Variants in KLHL29 observed in about 807,000 individuals in gnomAD.
KLHL29 encodes the protein kelch-like protein 29.
KLHL29 carries 21 observed loss-of-function variants against 80.4 expected under a neutral mutation model. The ratio of observed to expected loss-of-function variants is 0.26; its 90% CI spans 0.19 to 0.38. The LOEUF is 0.38. Among genes scored for constraint, KLHL29 ranks in the 10% least tolerant of loss-of-function variants. KLHL29 has a pLI of 1.00. For synonymous variants in KLHL29, 511 were observed against 526.8 expected (o/e 0.97, Z 0.41); for missense variants, 867 against 1,223.9 (o/e 0.71, Z 4.35).
At chr2:23,698,568 A>ATT (rs1672140357) in intron 11 of KLHL29, among the ~76,000 whole-genome samples, 1 of 151,666 alleles carries the variant, frequency 6.6e-6, no homozygotes. Flanking sequence ...GGTGCATTAT[A>ATT]ATTATATTAC....
chr2:23,452,693 A>G (rs372542690), intron 1 of KLHL29, among the ~76,000 whole-genome samples: 1 of 152,340 alleles, frequency 6.6e-6, no homozygotes, highest in East Asian at 1.9e-4. Flanking sequence ...TATCTCTTAT[A>G]TACTGATATA....
chr2:23,546,162 G>A (rs1349586052), intron 2 of KLHL29, among the ~76,000 whole-genome samples: 1 of 152,226 alleles, frequency 6.6e-6, no homozygotes, highest in East Asian at 1.9e-4. Flanking sequence ...CCACTCCCTT[G>A]CCTGAGGCTG....
intron 5 of KLHL29, among the ~76,000 whole-genome samples, chr2:23,683,658 C>T (rs767797284): frequency 6.6e-6 from 1 of 152,196 alleles, no homozygotes; most frequent in Admixed American, 6.5e-5. Context: ...CCTCCGAGGC[C>T]ACTTCCTGGG....
intron 5 of KLHL29, among the ~76,000 whole-genome samples, chr2:23,683,165 C>T (rs957404928): frequency 6.6e-6 from 1 of 152,212 alleles, no homozygotes; most frequent in Non-Finnish European, 1.5e-5. Context: ...GGCGGGCAGC[C>T]GGCCCTGGCC....
chr2:23,565,186 T>A (rs1667559848), intron 3 of KLHL29, among the ~76,000 whole-genome samples: 1 of 152,202 alleles, frequency 6.6e-6, no homozygotes, highest in African/African-American at 2.4e-5. Flanking sequence ...GTGAGGCCTA[T>A]GGGACAAGGC....
intron 3 of KLHL29, among the ~76,000 whole-genome samples, chr2:23,587,325 G>A (rs149930524): frequency 3.6e-3 from 546 of 151,312 alleles, no homozygotes; most frequent in African/African-American, 0.012. Context: ...CTTTCATAAA[G>A]GAGGTGAGCG....
intron 2 of KLHL29, among the ~76,000 whole-genome samples, chr2:23,508,099 C>T (rs926706734): frequency 2.0e-5 from 3 of 152,212 alleles, no homozygotes; most frequent in Admixed American, 2.0e-4. Flanking sequence ...CCCCTAAGAC[C>T]CCACGCTTAG....
At chr2:23,572,488 G>A (rs553078800) in intron 3 of KLHL29, among the ~76,000 whole-genome samples, 25 of 152,264 alleles carry the variant, frequency 1.6e-4, no homozygotes, top group African/African-American at 4.6e-4. Context: ...ATGAGGCAGC[G>A]AACTCTGTAA....
rs931329772 is a variant in KLHL29 at position 23,684,738 on chromosome 2, G to A, written c.1079+201G>A. Among the ~76,000 whole-genome samples, 5 of 151,602 alleles carry A rather than the reference G, an allele frequency of 3.3e-5. No homozygotes were observed. Among genetic ancestry groups the A allele is most frequent in the Admixed American group, 6.6e-5 (1 of 15,246 alleles). On this transcript the variant is annotated intron_variant, in intron 6 of 13. Coordinates refer to ENST00000486442, the MANE Select transcript of KLHL29 (RefSeq NM_052920.2). The surrounding 1 kb of genome is among the most constrained non-coding windows in gnomAD (Gnocchi z 4.4). ...AGAGCAGCCACTGCGCCCAGCACCC[G>A]CCCCCACCCACAGCTTTGCTGTCAC...
chr2:23,530,561 TGCACAACCC>T (rs1185775211), intron 2 of KLHL29, among the ~76,000 whole-genome samples: 16 of 152,218 alleles, frequency 1.1e-4, no homozygotes, highest in African/African-American at 3.6e-4. Flanking sequence ...TTGTTCACAC[TGCACAACCC>T]GCGCCTCCTG....
chr2:23,575,985 G>C (rs909739756), intron 3 of KLHL29, among the ~76,000 whole-genome samples: 5 of 152,204 alleles, frequency 3.3e-5, no homozygotes, highest in Admixed American at 3.3e-4. Flanking sequence ...GCTATACTGC[G>C]TCACCATCGC....
At chr2:23,543,547 C>T (rs2103484861) in intron 2 of KLHL29, among the ~76,000 whole-genome samples, 1 of 152,312 alleles carries the variant, frequency 6.6e-6, no homozygotes, top group East Asian at 1.9e-4. Context: ...ATCTATGTCC[C>T]TGCCCTCTGA....
intron 3 of KLHL29, among the ~76,000 whole-genome samples, chr2:23,584,306 A>T (rs1668063422): frequency 6.6e-6 from 1 of 152,140 alleles, no homozygotes; most frequent in South Asian, 2.1e-4. Context: ...CTCAAAGGAT[A>T]TTTATTCCTT....
chr2:23,478,266 G>A (rs979490621), intron 2 of KLHL29, among the ~76,000 whole-genome samples: 2 of 152,148 alleles, frequency 1.3e-5, no homozygotes, highest in African/African-American at 2.4e-5. Flanking sequence ...GGGAGTGTCC[G>A]CAACATGCAG....
chr2:23,660,246 C>G (rs1670367605), intron 5 of KLHL29, among the ~76,000 whole-genome samples: 2 of 152,218 alleles, frequency 1.3e-5, no homozygotes, highest in Non-Finnish European at 2.9e-5. Flanking sequence ...AACTGAAAGA[C>G]AGTATGCTGA....
chr2:23,417,532 C>G (rs569528812), intron 1 of KLHL29, among the ~76,000 whole-genome samples: 1 of 152,208 alleles, frequency 6.6e-6, no homozygotes, highest in Non-Finnish European at 1.5e-5. Flanking sequence ...ACGCACTGCG[C>G]GATCCCCACT....
chr2:23,410,436 G>A (rs1272506214), intron 1 of KLHL29, among the ~76,000 whole-genome samples: 1 of 152,150 alleles, frequency 6.6e-6, no homozygotes, highest in Non-Finnish European at 1.5e-5. Context: ...AACAGTGGAA[G>A]GGGTCAGGTA....
At chr2:23,654,064 G>A (rs764781241) in intron 5 of KLHL29, among the ~76,000 whole-genome samples, 1 of 152,132 alleles carries the variant, frequency 6.6e-6, no homozygotes, top group Non-Finnish European at 1.5e-5. Context: ...CTGCCTGGGA[G>A]GCTGAGGCAC....
chr2:23,425,451 A>G (rs914713841), intron 1 of KLHL29, among the ~76,000 whole-genome samples: 1 of 152,206 alleles, frequency 6.6e-6, no homozygotes, highest in African/African-American at 2.4e-5. Flanking sequence ...AGGGCCGGCC[A>G]GACCAGGGTC....
Sources: gnomAD v4.1 joint callset for allele counts (sites outside exome capture counted in the v4.1 genomes callset) on GRCh38, gnomAD v4.1.1 for gene constraint, Gnocchi (gnomAD v3.1) non-coding constraint, MANE v1.5 for transcripts, NCBI Gene and HGNC (gene_info 2026-07-23, HGNC 2026-07-21) for gene names.